Variants in RPUSD3 observed in about 807,000 individuals in gnomAD.
RPUSD3 encodes mitochondrial mRNA pseudouridine synthase RPUSD3.
RPUSD3 carries 36 observed loss-of-function variants against 35.1 expected under a neutral mutation model. The ratio of observed to expected loss-of-function variants is 1.02; its 90% CI spans 0.79 to 1.35. The LOEUF (loss-of-function observed/expected upper bound fraction) is 1.35. Ranked by LOEUF, RPUSD3 falls within the 40% of genes most tolerant of loss-of-function variation. The pLI, the probability that RPUSD3 is intolerant of heterozygous loss-of-function variation, is 0.00. For missense variants in RPUSD3, 486 were observed against 441.9 expected, an observed-to-expected ratio of 1.10 and a Z score of -0.89; for synonymous variants, 202 against 187.8, an observed-to-expected ratio of 1.08 and a Z score of -0.62.
intron 2 of RPUSD3, 56 bp from the exon 3 acceptor site, chr3:9,842,299 A>T (rs927700674): frequency 6.4e-7 from 1 of 1,554,046 alleles, no homozygotes; most frequent in Admixed American, 1.7e-5. Context: ...TTTATGCAGC[A>T]CTAAAGAGTT....
intron 7 of RPUSD3, 122 bp downstream of exon 7, chr3:9,840,062 A>G: frequency 7.7e-7 from 1 of 1,292,972 alleles, no homozygotes; most frequent in Non-Finnish European, 1.1e-6. Flanking sequence ...TGTAGTTTTT[A>G]GTTGAAACAG....
At chr3:9,839,648 G>T in intron 7 of RPUSD3, 1 of 154,694 alleles carries the variant, frequency 6.5e-6, no homozygotes, top group Non-Finnish European at 1.4e-5. Context: ...TGTGATCTTC[G>T]CTCACTGCAA....
rs767890499 is a variant in RPUSD3, at chr3:9,840,139, C to T, written c.724+45G>A. ...TCGTGATCCACCTGCCTCAGCCTCC[C>T]AAATCAAGTGCAGTTTTAAAGGCTG... On this transcript the variant is annotated intron_variant, in intron 7 of 8. Transcript: ENST00000383820. The T allele has an allele frequency of 1.9e-6, 3 of 1,589,874 alleles. No individual in the cohort carries two copies. In the Admixed American group the frequency reaches 5.4e-5, roughly 28 times the overall value.
At chr3:9,843,583 G>A in exon 2 of RPUSD3, 3 of 1,613,744 alleles carry the variant, frequency 1.9e-6, no homozygotes, top group East Asian at 2.2e-5. Context: ...GGCAGGAGCC[G>A]CGGGGTTGCC....
At chr3:9,840,450 A>G in intron 6 of RPUSD3, 82 bp downstream of exon 6, 1 of 1,594,486 alleles carries the variant, frequency 6.3e-7, no homozygotes, top group Non-Finnish European at 8.6e-7. Flanking sequence ...AGAGCCAGCC[A>G]TCCCAAATCC....
chr3:9,840,658 G>A (rs1193239973), intron 5 of RPUSD3, 40 bp downstream of exon 5: 1 of 1,612,062 alleles, frequency 6.2e-7, no homozygotes, highest in African/African-American at 1.3e-5. Context: ...GGCTTGCTGG[G>A]ACCTCCCCAC....
chr3:9,839,081 A>G, exon 8 of RPUSD3: 3 of 1,614,252 alleles, frequency 1.9e-6, no homozygotes, highest in Non-Finnish European at 1.7e-6. Flanking sequence ...TCGCTGGCCC[A>G]GGACAGTGCC....
chr3:9,840,507 CT>C, intron 6 of RPUSD3, 24 bp downstream of exon 6: 1 of 1,612,476 alleles, frequency 6.2e-7, no homozygotes, highest in Non-Finnish European at 8.5e-7. Context: ...AGAAGCACCC[CT>C]CCTCTTCCCA....
exon 8 of RPUSD3, chr3:9,839,060 G>A (rs778643772): frequency 1.2e-6 from 2 of 1,614,212 alleles, no homozygotes; most frequent in East Asian, 2.2e-5. Flanking sequence ...GTTCTCAGCT[G>A]GCAGCAGAAA....
At chr3:9,842,142 C>T in intron 3 of RPUSD3, 57 bp downstream of exon 3, 1 of 1,612,530 alleles carries the variant, frequency 6.2e-7, no homozygotes, top group Non-Finnish European at 8.5e-7. Context: ...ACTTTTCCCT[C>T]CCTCAGTCAC....
exon 9 of RPUSD3, chr3:9,838,126 G>A (rs115670492): frequency 5.5e-5 from 88 of 1,612,584 alleles, no homozygotes; most frequent in African/African-American, 2.0e-4. Context: ...AGAAGGAGCC[G>A]ATGTAGGTGG....
At chr3:9,839,116 C>T (rs1453617655) in exon 8 of RPUSD3, 2 of 1,614,022 alleles carry the variant, frequency 1.2e-6, no homozygotes, top group Admixed American at 3.3e-5. Flanking sequence ...ACATGTGGTC[C>T]CCAAGCACAG....
Position 9,840,191 on chromosome 3 carries a change from T to C in RPUSD3, c.717A>G (p.Pro239=), listed in dbSNP as rs113421140. 8,725 of 1,612,370 alleles carry C rather than the reference T, an allele frequency of 5.4e-3. 103 individuals carry two copies. The highest frequency in any genetic ancestry group is 0.045 in the African/African-American group (3,346 of 74,976). ...CTAGGGTGCCAGACCTACCTGTCAG[T>C]GGCTGCAGCTGGACCAGGGCACAGC... The change falls in exon 7 of 9, where the codon CCA becomes CCG. Residue 239 remains proline (P), a synonymous_variant. Coordinates refer to ENST00000383820, the Ensembl canonical transcript of RPUSD3.
At chr3:9,842,586 C>G in intron 2 of RPUSD3, 1 of 376,520 alleles carries the variant, frequency 2.7e-6, no homozygotes, top group Non-Finnish European at 5.0e-6. Context: ...ATGCATAGCA[C>G]TTACCACTAG....
intron 2 of RPUSD3, 106 bp downstream of exon 2, chr3:9,843,359 T>A: frequency 4.0e-6 from 6 of 1,510,786 alleles, no homozygotes; most frequent in Non-Finnish European, 4.5e-6. Context: ...ATGCTGCTAG[T>A]GGGAGGCAGA....
At chr3:9,839,313 TG>T (rs1236511936) in intron 7 of RPUSD3, 142 bp from the exon 8 acceptor site, 6 of 872,318 alleles carry the variant, frequency 6.9e-6, no homozygotes, top group Non-Finnish European at 8.5e-6. Context: ...CTATGGCCCC[TG>T]CATCCAGAGA....
chr3:9,840,572 TG>T lies in RPUSD3; in HGVS notation c.559del (p.Gln187ArgfsTer4). On this transcript the variant is annotated frameshift_variant, in exon 6 of 9. Transcript: ENST00000383820. LOFTEE classifies it high-confidence loss of function. ...AATGTGTTCCAGTTTCAGGGCAGCC[TG>T]GATCTTCCCCTCAGAAGCAGCTGGG... 1 of 1,614,060 alleles carries T rather than the reference TG, an allele frequency of 6.2e-7. No homozygotes were observed. The highest frequency in any genetic ancestry group is 8.5e-7 in the Non-Finnish European group (1 of 1,180,014).
At chr3:9,843,550 G>C (rs2082134579) in exon 2 of RPUSD3, 1 of 1,613,712 alleles carries the variant, frequency 6.2e-7, no homozygotes. Context: ...CGAAGGGCTG[G>C]TCCCCGAGGG....
chr3:9,838,531 T>A (rs1390521159), intron 8 of RPUSD3, among the ~76,000 whole-genome samples: 1 of 152,190 alleles, frequency 6.6e-6, no homozygotes, highest in Non-Finnish European at 1.5e-5. Flanking sequence ...CTTCCACACC[T>A]GGCCCAGAAA....
Sources: allele counts gnomAD v4.1 joint callset (sites outside exome capture counted in the v4.1 genomes callset), GRCh38; gene constraint gnomAD v4.1.1; transcripts MANE v1.5; gene names NCBI Gene and HGNC (gene_info 2026-07-23, HGNC 2026-07-21).